The following PHACTR1 variants were observed in gnomAD, a reference collection of about 807,000 sequenced individuals.
The protein encoded by PHACTR1 is RPEL repeat containing 1.
In PHACTR1, 16 loss-of-function variants were observed where a neutral mutation model predicts 69.2. That is an observed-to-expected ratio of 0.23 (90% CI 0.16 to 0.35). PHACTR1 has a LOEUF of 0.35. Among genes scored for constraint, PHACTR1 ranks in the 10% least tolerant of loss-of-function variants. PHACTR1 has a pLI of 1.00. For missense variants in PHACTR1, 510 were observed against 734.7 expected (o/e 0.69, Z 3.54); for synonymous variants, 312 against 284.5 (o/e 1.10, Z -0.97).
intron 12 of PHACTR1, among the ~76,000 whole-genome samples, chr6:13,282,723 A>G (rs1444185255): frequency 6.6e-6 from 1 of 151,068 alleles, no homozygotes; most frequent in East Asian, 1.9e-4. Flanking sequence ...TGCAGAAAGC[A>G]CTCGATGTGA....
intron 4 of PHACTR1, among the ~76,000 whole-genome samples, chr6:12,772,095 G>A (rs1769459280): frequency 6.6e-6 from 1 of 152,214 alleles, no homozygotes; most frequent in Non-Finnish European, 1.5e-5. Context: ...GACATTGGCT[G>A]TGAGTGAAAG....
rs111646282 is a variant in PHACTR1, at chr6:12,881,362, G to A, written c.250+131572G>A. ...TTTTTGTGGAAGGGTTGCATTTGGC[G>A]CTGAACCTGCAGGGACAATGGTGAT... On this transcript the variant is annotated intron_variant, in intron 4 of 14. Coordinates refer to ENST00000332995, the MANE Select transcript of PHACTR1 (RefSeq NM_030948.6). 2.9e-3 allele frequency among the ~76,000 whole-genome samples: 447 copies of A among 152,280 alleles called. 4 individuals are homozygous for A. The highest frequency in any genetic ancestry group is 9.9e-3 in the African/African-American group (411 of 41,552).
intron 4 of PHACTR1, among the ~76,000 whole-genome samples, chr6:12,923,599 A>G (rs922340289): frequency 1.3e-5 from 2 of 152,212 alleles, no homozygotes; most frequent in African/African-American, 4.8e-5. Flanking sequence ...CATCTATCTT[A>G]TCATTATCCT....
chr6:12,808,975 T>C (rs552996478), intron 4 of PHACTR1, among the ~76,000 whole-genome samples: 1 of 152,140 alleles, frequency 6.6e-6, no homozygotes, highest in East Asian at 1.9e-4. Context: ...CTTCCCGGGC[T>C]CAAGTGATCC....
chr6:13,048,857 A>C (rs1249180404), intron 4 of PHACTR1, among the ~76,000 whole-genome samples: 1 of 152,308 alleles, frequency 6.6e-6, no homozygotes, highest in African/African-American at 2.4e-5. Flanking sequence ...AACTGTGTTC[A>C]TAAGTTGGCT....
intron 4 of PHACTR1, among the ~76,000 whole-genome samples, chr6:12,983,149 A>G (rs1419980548): frequency 6.6e-6 from 1 of 152,256 alleles, no homozygotes; most frequent in Non-Finnish European, 1.5e-5. Flanking sequence ...AAATTAATTT[A>G]ATGCTTGCTG....
At chr6:13,266,988 G>A (rs1472326215) in intron 10 of PHACTR1, 2 of 152,154 alleles carry the variant, frequency 1.3e-5, no homozygotes, top group African/African-American at 2.4e-5. Context: ...CCTGAGCTCT[G>A]GGCACAGTGT....
At chr6:13,041,343 C>T (rs111311075) in intron 4 of PHACTR1, among the ~76,000 whole-genome samples, 16 of 121,374 alleles carry the variant, frequency 1.3e-4, no homozygotes, top group African/African-American at 6.9e-4. Context: ...AATACATACA[C>T]ACACACACAC....
intron 5 of PHACTR1, among the ~76,000 whole-genome samples, chr6:13,082,561 C>T (rs1019764391): frequency 7.2e-5 from 11 of 152,174 alleles, no homozygotes; most frequent in Non-Finnish European, 1.5e-5. Context: ...TACAGTCCCA[C>T]CAACAGTGTA....
rs78935386 is a variant in PHACTR1, at chr6:13,131,782, T to C, written c.416-28422T>C. ...TGCTCAGAATGGTTGGGTAGACCTG[T>C]TAAATATTTTAGAGGATGCATTTCA... is the stretch of plus-strand genomic sequence containing the variant. On this transcript the variant is annotated intron_variant, in intron 5 of 14. Transcript: ENST00000332995. Among the ~76,000 whole-genome samples the C allele has an allele frequency of 3.3e-3, 508 of 152,336 alleles. 6 individuals are homozygous for C. The highest frequency in any genetic ancestry group is 0.011 in the African/African-American group (477 of 41,576).
intron 7 of PHACTR1, among the ~76,000 whole-genome samples, chr6:13,197,594 T>A (rs547119824): frequency 6.6e-6 from 1 of 152,066 alleles, no homozygotes; most frequent in African/African-American, 2.4e-5. Flanking sequence ...ATGTGCACAA[T>A]GTGCAGGTTT....
intron 5 of PHACTR1, among the ~76,000 whole-genome samples, chr6:13,144,770 CAGAAAAAAAAA>C (rs1338569283): frequency 0.058 from 1,015 of 17,362 alleles, 11 homozygotes; most frequent in Middle Eastern, 0.29. Context: ...GACCCTGTCT[CAGAAAAAAAAA>C]AAAAAAAAAA....
At chr6:13,278,948 GC>G (rs1779541088) in intron 12 of PHACTR1, among the ~76,000 whole-genome samples, 1 of 122,760 alleles carries the variant, frequency 8.1e-6, no homozygotes, top group East Asian at 2.2e-4. Context: ...GGGCAACAGA[GC>G]AAGACTCTGT....
intron 4 of PHACTR1, among the ~76,000 whole-genome samples, chr6:12,957,043 G>T (rs1791973658): frequency 6.7e-6 from 1 of 148,514 alleles, no homozygotes; most frequent in Admixed American, 6.7e-5. Context: ...GTCGCGTTTT[G>T]AGGTCTTCCT....
At chr6:13,009,492 G>T (rs1280639375) in intron 4 of PHACTR1, among the ~76,000 whole-genome samples, 1 of 152,018 alleles carries the variant, frequency 6.6e-6, no homozygotes, top group African/African-American at 2.4e-5. Flanking sequence ...TTAATATTTT[G>T]TATTTCTACT....
chr6:12,828,871 G>A (rs1362001238), intron 4 of PHACTR1, among the ~76,000 whole-genome samples: 1 of 152,076 alleles, frequency 6.6e-6, no homozygotes, highest in Non-Finnish European at 1.5e-5. Context: ...ATTACAGCTG[G>A]ATAGGAGGAA....
chr6:13,212,626 C>A (rs1006359135), intron 8 of PHACTR1, among the ~76,000 whole-genome samples: 1 of 152,204 alleles, frequency 6.6e-6, no homozygotes, highest in African/African-American at 2.4e-5. Flanking sequence ...TATTAACGGA[C>A]TGCCCCTGTG....
intron 4 of PHACTR1, among the ~76,000 whole-genome samples, chr6:12,940,095 C>T (rs1041064807): frequency 1.3e-5 from 2 of 152,038 alleles, no homozygotes; most frequent in African/African-American, 2.4e-5. Flanking sequence ...ATATAATTAC[C>T]CAAACTTTAA....
chr6:13,282,868 A>G (rs1293575777), intron 12 of PHACTR1, among the ~76,000 whole-genome samples: 2 of 151,064 alleles, frequency 1.3e-5, no homozygotes, highest in African/African-American at 2.5e-5. Flanking sequence ...AGCTTCTAGT[A>G]ATGACTGGGA....
Sources: gnomAD v4.1 joint callset for allele counts (sites outside exome capture counted in the v4.1 genomes callset) on GRCh38, gnomAD v4.1.1 for gene constraint, MANE v1.5 for transcripts, NCBI Gene and HGNC (gene_info 2026-07-23, HGNC 2026-07-21) for gene names.